CRY1: variants seen among roughly 807,000 people sequenced by gnomAD.
CRY1 encodes cryptochrome-1.
CRY1 carries 45 observed loss-of-function variants against 76.0 expected under a neutral mutation model. The observed-to-expected ratio is 0.59, with a 90% CI of 0.47 to 0.76. The LOEUF (loss-of-function observed/expected upper bound fraction) is 0.76, where lower values mean the gene tolerates loss of function less well. Among genes scored for constraint, CRY1 ranks in the 30% least tolerant of loss-of-function variants. The pLI is 0.00. For synonymous variants in CRY1, 248 were observed against 244.0 expected, an observed-to-expected ratio of 1.02 and a Z score of -0.15; for missense variants, 587 against 716.4, an observed-to-expected ratio of 0.82 and a Z score of 2.06.
chr12:107,006,638 CT>C lies in CRY1; in HGVS notation c.268-1391del, dbSNP rs1555275228. Among the ~76,000 whole-genome samples the C allele has an allele frequency of 6.6e-3, 904 of 137,096 alleles. 4 individuals carry two copies. The highest frequency in any genetic ancestry group is 0.011 in the Admixed American group (144 of 13,150). The allele number at this position is 137,096 out of a possible 152,430, so 89.9% of individuals were successfully genotyped here. A position where few individuals can be genotyped will look rare whatever the true frequency, so the allele number is the denominator to read the frequency against. On this transcript the variant is annotated intron_variant, in intron 2 of 12. Coordinates refer to ENST00000008527, the MANE Select transcript of CRY1 (RefSeq NM_004075.5). Reference sequence around the variant, plus strand: ...CTTGCCAATAATATGTATTAGTAATCTTTTTTTTTTTTTTTTTTAGATGACA... The same window carrying C: ...CTTGCCAATAATATGTATTAGTAATCTTTTTTTTTTTTTTTTTAGATGACA...
At chr12:107,067,786 G>A (rs2136889180) in intron 1 of CRY1, among the ~76,000 whole-genome samples, 1 of 152,186 alleles carries the variant, frequency 6.6e-6, no homozygotes, top group East Asian at 1.9e-4. Flanking sequence ...GACAAGGCTG[G>A]AATCTTGAAA....
chr12:107,070,775 A>G (rs903060327), intron 1 of CRY1, among the ~76,000 whole-genome samples: 9 of 151,132 alleles, frequency 6.0e-5, no homozygotes, highest in African/African-American at 1.7e-4. Context: ...ACCTTGGCTC[A>G]CTGCAAGCTC....
At chr12:107,055,497 G>A (rs983556659) in intron 1 of CRY1, among the ~76,000 whole-genome samples, 2 of 152,036 alleles carry the variant, frequency 1.3e-5, no homozygotes, top group Non-Finnish European at 2.9e-5. Context: ...CTATTAAATT[G>A]AATAGGCTAA....
At chr12:107,007,017 A>C (rs1389642290) in intron 2 of CRY1, among the ~76,000 whole-genome samples, 3 of 152,184 alleles carry the variant, frequency 2.0e-5, no homozygotes, top group African/African-American at 7.2e-5. Flanking sequence ...TTCCTTTCTT[A>C]AAAGTCCTGA....
intron 3 of CRY1, 116 bp downstream of exon 3, chr12:107,004,990 A>G: frequency 1.2e-6 from 1 of 838,732 alleles, no homozygotes; most frequent in Non-Finnish European, 1.8e-6. Context: ...TATAAACCTC[A>G]GTTAAAAACT....
intron 7 of CRY1, 35 bp downstream of exon 7, chr12:106,999,515 CA>C: frequency 6.5e-7 from 1 of 1,534,054 alleles, no homozygotes; most frequent in South Asian, 1.3e-5. Flanking sequence ...AGGATTCCTT[CA>C]AAATAAGGCA....
intron 3 of CRY1, among the ~76,000 whole-genome samples, chr12:107,003,044 C>T (rs1467835926): frequency 6.6e-6 from 1 of 152,146 alleles, no homozygotes; most frequent in Non-Finnish European, 1.5e-5. Context: ...AACAATTACC[C>T]TATTTCCTTC....
intron 1 of CRY1, among the ~76,000 whole-genome samples, chr12:107,035,510 T>G (rs1337583259): frequency 6.6e-6 from 1 of 152,216 alleles, no homozygotes; most frequent in Non-Finnish European, 1.5e-5. Context: ...CTAAGCACTT[T>G]AAATGTTTAT....
Position 107,005,196 on chromosome 12 carries a change from T to C in CRY1, c.320A>G (p.Lys107Arg), listed in dbSNP as rs1371859618. ...SIEYDSEPFG[K>R]ERDAAIKKLA... is the part of the protein sequence containing the mutation. The stretch of plus-strand genomic sequence containing the variant: ...TTTCTTAATAGCTGCGTCTCGTTCC[T>C]TTCCAAAGGGCTCAGAATCATACTC... The change falls in exon 3 of 13, where the codon AAG becomes AGG. Residue 107 changes from lysine to arginine, a missense_variant. Coordinates refer to ENST00000008527, the MANE Select transcript of CRY1 (RefSeq NM_004075.5). 1.2e-6 allele frequency: 2 copies of C among 1,613,666 alleles called. No individual in the cohort carries two copies. Among genetic ancestry groups the C allele is most frequent in the East Asian group, 4.5e-5 (2 of 44,828 alleles).
chr12:107,083,383 C>T (rs1384638680), intron 1 of CRY1, among the ~76,000 whole-genome samples: 5 of 151,952 alleles, frequency 3.3e-5, no homozygotes, highest in Non-Finnish European at 7.4e-5. Flanking sequence ...CTGGCAGACA[C>T]AACAAAAAAA....
chr12:107,040,256 T>C (rs1207660002), intron 1 of CRY1, among the ~76,000 whole-genome samples: 2 of 150,424 alleles, frequency 1.3e-5, no homozygotes, highest in African/African-American at 4.9e-5. Flanking sequence ...TTATGAGAGA[T>C]GAATACTTTC....
intron 1 of CRY1, among the ~76,000 whole-genome samples, chr12:107,066,880 C>T (rs1352083004): frequency 1.3e-5 from 2 of 152,026 alleles, no homozygotes; most frequent in Non-Finnish European, 2.9e-5. Flanking sequence ...GCTCACCACA[C>T]CCTCGACCTC....
At position 107,091,433 on chromosome 12, in the gene CRY1, C is replaced by T. The variant is rs146930845; in HGVS notation, c.158+1371G>A. ...ATCTGTTTATTTCTCACCACGTCCA[C>T]GATTATTACTATGATTCAAGCCGTT... On this transcript the variant is annotated intron_variant, in intron 1 of 12. Transcript: ENST00000008527. 5.7e-4 allele frequency among the ~76,000 whole-genome samples: 87 copies of T among 152,176 alleles called. No homozygotes were observed. In the East Asian group the frequency reaches 0.014, roughly 24 times the overall value.
intron 10 of CRY1, among the ~76,000 whole-genome samples, chr12:106,997,061 G>A (rs1349914668): frequency 1.3e-5 from 2 of 152,126 alleles, no homozygotes; most frequent in South Asian, 2.1e-4. Flanking sequence ...GTTTGCAAGA[G>A]CTTTAACTTG....
At chr12:107,028,633 G>A (rs570423491) in intron 1 of CRY1, among the ~76,000 whole-genome samples, 65 of 152,224 alleles carry the variant, frequency 4.3e-4, no homozygotes, top group Admixed American at 2.5e-3. Context: ...ATTTTAAAAA[G>A]AAGTAACATG....
chr12:107,061,682 C>T (rs1040686730), intron 1 of CRY1, among the ~76,000 whole-genome samples: 1 of 152,002 alleles, frequency 6.6e-6, no homozygotes, highest in Non-Finnish European at 1.5e-5. Flanking sequence ...GCGCCCGGCC[C>T]CTAATACATT....
At chr12:107,011,536 CT>C (rs1952443867) in intron 2 of CRY1, among the ~76,000 whole-genome samples, 1 of 152,006 alleles carries the variant, frequency 6.6e-6, no homozygotes, top group Admixed American at 6.6e-5. Flanking sequence ...ATGGAGAAAA[CT>C]TTAGGGGTCT....
rs1952602981 is a variant in CRY1 at position 107,025,899 on chromosome 12, T to A, written c.159-3707A>T. On this transcript the variant is annotated intron_variant, in intron 1 of 12. Coordinates refer to ENST00000008527, the MANE Select transcript of CRY1 (RefSeq NM_004075.5). ...AACCAAACTTCTCTTTCAGCACACA[T>A]TCAATCTCCTGGAATGTGCTCCAGG... Among the ~76,000 whole-genome samples the A allele has an allele frequency of 2.6e-5, 4 of 151,350 alleles. No individual in the cohort carries two copies. In the South Asian group the frequency reaches 8.3e-4, roughly 32 times the overall value.
At chr12:107,051,421 A>G (rs1952919535) in intron 1 of CRY1, among the ~76,000 whole-genome samples, 1 of 152,308 alleles carries the variant, frequency 6.6e-6, no homozygotes, top group Admixed American at 6.5e-5. Flanking sequence ...TCATTCACTC[A>G]TTCTTTCAAT....
Sources: gnomAD v4.1 joint callset for allele counts (sites outside exome capture counted in the v4.1 genomes callset) on GRCh38, gnomAD v4.1.1 for gene constraint, MANE v1.5 for transcripts, NCBI Gene and HGNC (gene_info 2026-07-23, HGNC 2026-07-21) for gene names.